NRXN3: variants seen among roughly 807,000 people sequenced by gnomAD.
NRXN3 encodes neurexin 3, also known as neurexin III.
NRXN3 carries 32 observed loss-of-function variants against 137.6 expected under a neutral mutation model. The ratio of observed to expected loss-of-function variants is 0.23; its 90% CI spans 0.18 to 0.31. The LOEUF is 0.31. Ranked by LOEUF, NRXN3 falls within the 10% of genes least tolerant of loss-of-function variation. The probability of loss-of-function intolerance (pLI) is 1.00; values close to 1 mark genes in which losing one functional copy is unlikely to be tolerated. For missense variants in NRXN3, 1,574 were observed against 2,062.5 expected (o/e 0.76, Z 4.59); for synonymous variants, 798 against 784.5 (o/e 1.02, Z -0.29).
intron 4 of NRXN3, among the ~76,000 whole-genome samples, chr14:78,433,266 T>C (rs1040795998): frequency 2.6e-5 from 4 of 152,158 alleles, no homozygotes; most frequent in African/African-American, 9.7e-5. Flanking sequence ...GCCTACATCT[T>C]TGAGTGTAGC....
In NRXN3 at chr14:79,432,319, C is replaced by G. The variant is rs1458010394; in HGVS notation, c.3263-34902C>G. Among the ~76,000 whole-genome samples, 5 of 152,260 alleles carry G rather than the reference C, an allele frequency of 3.3e-5. No homozygotes were observed. The East Asian group carries it at 7.7e-4, about 24-fold the overall frequency. ...ACCACTGCCAGTGATCCATGAGATT[C>G]AAATGTCTTCTCATTTGGAAGGACT... On this transcript the variant is annotated intron_variant, in intron 15 of 20. Transcript: ENST00000335750.
intron 15 of NRXN3, among the ~76,000 whole-genome samples, chr14:79,449,515 T>C (rs555136639): frequency 5.3e-5 from 8 of 152,352 alleles, no homozygotes; most frequent in African/African-American, 1.9e-4. Context: ...GAATGAGCTG[T>C]AATTTTTTTC....
intron 15 of NRXN3, among the ~76,000 whole-genome samples, chr14:79,276,911 T>C (rs548875703): frequency 1.3e-5 from 2 of 152,324 alleles, no homozygotes; most frequent in East Asian, 3.9e-4. Flanking sequence ...TGAGCCCGTA[T>C]GATGTGCTAC....
intron 14 of NRXN3, among the ~76,000 whole-genome samples, chr14:78,974,502 A>G (rs954557644): frequency 3.0e-4 from 45 of 152,220 alleles, no homozygotes; most frequent in Non-Finnish European, 4.6e-4. Flanking sequence ...TGCCTAAAGT[A>G]AATTGTTTAC....
At chr14:78,605,805 T>A (rs1458712676) in intron 4 of NRXN3, among the ~76,000 whole-genome samples, 1 of 152,198 alleles carries the variant, frequency 6.6e-6, no homozygotes, top group Non-Finnish European at 1.5e-5. Context: ...CAGTTTTCAT[T>A]GGTGTACAAA....
intron 15 of NRXN3, among the ~76,000 whole-genome samples, chr14:79,207,353 G>A (rs1028580146): frequency 6.6e-6 from 1 of 152,146 alleles, no homozygotes; most frequent in Non-Finnish European, 1.5e-5. Flanking sequence ...AAAAACACTA[G>A]CTTCAATTGT....
intron 4 of NRXN3, among the ~76,000 whole-genome samples, chr14:78,603,506 G>A (rs958742398): frequency 6.6e-6 from 1 of 152,130 alleles, no homozygotes; most frequent in Non-Finnish European, 1.5e-5. Flanking sequence ...AGGACTTATC[G>A]GTGGGTGGTA....
intron 1 of NRXN3, among the ~76,000 whole-genome samples, chr14:78,228,157 CTT>C (rs1156767557): frequency 4.0e-4 from 52 of 130,430 alleles, no homozygotes; most frequent in African/African-American, 8.2e-4. Flanking sequence ...AATTTTCTTT[CTT>C]TTTTTTTTTT....
At chr14:78,697,150 G>A (rs868869067) in intron 6 of NRXN3, among the ~76,000 whole-genome samples, 96 of 152,112 alleles carry the variant, frequency 6.3e-4, no homozygotes, top group African/African-American at 2.1e-3. Context: ...AAATCCCAGC[G>A]TATGGAGAAT....
chr14:79,049,617 G>A (rs1721668113), intron 15 of NRXN3, among the ~76,000 whole-genome samples: 1 of 152,050 alleles, frequency 6.6e-6, no homozygotes, highest in South Asian at 2.1e-4. Flanking sequence ...CTTTTCAGAA[G>A]GTTTTTAATT....
intron 10 of NRXN3, among the ~76,000 whole-genome samples, chr14:78,818,118 A>C (rs2098939729): frequency 1.3e-5 from 2 of 151,606 alleles, no homozygotes; most frequent in African/African-American, 4.8e-5. Context: ...GAACTGCTGT[A>C]TTATGTTAAA....
chr14:78,578,895 T>G (rs569145885), intron 4 of NRXN3, among the ~76,000 whole-genome samples: 5 of 152,020 alleles, frequency 3.3e-5, no homozygotes, highest in Non-Finnish European at 2.9e-5. Context: ...GGCTCTTTTT[T>G]CCTAGTGCTT....
chr14:79,291,636 GTCCT>G (rs2083224060), intron 15 of NRXN3, among the ~76,000 whole-genome samples: 2 of 143,260 alleles, frequency 1.4e-5, no homozygotes, highest in Non-Finnish European at 3.1e-5. Flanking sequence ...GTTTGAACCT[GTCCT>G]GTTCAAACTG....
At chr14:79,258,802 G>C (rs1378674671) in intron 15 of NRXN3, among the ~76,000 whole-genome samples, 1 of 152,194 alleles carries the variant, frequency 6.6e-6, no homozygotes, top group Non-Finnish European at 1.5e-5. Context: ...CAGATACTCA[G>C]ATAAAACACT....
intron 4 of NRXN3, among the ~76,000 whole-genome samples, chr14:78,486,615 T>G (rs1257590420): frequency 1.3e-5 from 2 of 152,142 alleles, no homozygotes; most frequent in African/African-American, 4.8e-5. Context: ...TGGGCTTGTC[T>G]GGTGAAAGAG....
chr14:78,973,437 T>C (rs1045499283), intron 14 of NRXN3, among the ~76,000 whole-genome samples: 6 of 152,194 alleles, frequency 3.9e-5, no homozygotes, highest in Non-Finnish European at 7.3e-5. Context: ...GTTTTAAAGT[T>C]TTAAATATTT....
At chr14:79,057,128 T>C (rs2099666679) in intron 15 of NRXN3, among the ~76,000 whole-genome samples, 2 of 152,330 alleles carry the variant, frequency 1.3e-5, no homozygotes, top group South Asian at 4.1e-4. Flanking sequence ...CCAAATGTTA[T>C]TTGGTATGTA....
At chr14:79,024,461 A>G (rs902667631) in intron 15 of NRXN3, among the ~76,000 whole-genome samples, 1 of 152,196 alleles carries the variant, frequency 6.6e-6, no homozygotes, top group African/African-American at 2.4e-5. Context: ...ACATCCACAT[A>G]TTCCATACCA....
At chr14:78,897,879 C>T (rs2099182558) in intron 10 of NRXN3, among the ~76,000 whole-genome samples, 1 of 151,890 alleles carries the variant, frequency 6.6e-6, no homozygotes, top group African/African-American at 2.4e-5. Flanking sequence ...ATGGCATATA[C>T]CTTATTAATT....
Sources: gnomAD v4.1 joint callset for allele counts (sites outside exome capture counted in the v4.1 genomes callset) on GRCh38, gnomAD v4.1.1 for gene constraint, MANE v1.5 for transcripts, NCBI Gene and HGNC (gene_info 2026-07-23, HGNC 2026-07-21) for gene names.